The following TMC2 variants were observed in gnomAD, a reference collection of about 807,000 sequenced individuals.
TMC2 encodes transmembrane channel like 2.
TMC2 carries 102 observed loss-of-function variants against 105.9 expected under a neutral mutation model. The observed-to-expected ratio is 0.96, with a 90% CI of 0.82 to 1.14. TMC2 has a LOEUF of 1.14. Ranked by LOEUF, TMC2 falls within the 50% of genes most tolerant of loss-of-function variation. The probability of loss-of-function intolerance (pLI) is 0.00; values close to 1 mark genes in which losing one functional copy is unlikely to be tolerated. For missense variants in TMC2, 1,093 were observed against 1,134.3 expected (o/e 0.96, Z 0.52); for synonymous variants, 402 against 422.8 (o/e 0.95, Z 0.60).
chr20:2,594,419 G>A lies in TMC2; in HGVS notation c.934-406G>A, dbSNP rs969228113. On this transcript the variant is annotated intron_variant, in intron 8 of 19. Transcript: ENST00000358864. Reference sequence around the variant, plus strand: ...ATTTTTGTATTTTTAGTAGAGACAAGGTTTCACTACGTTAGCCAGGTTGGT... The same window carrying A: ...ATTTTTGTATTTTTAGTAGAGACAAAGTTTCACTACGTTAGCCAGGTTGGT... Among the ~76,000 whole-genome samples the A allele has an allele frequency of 3.9e-5, 6 of 152,106 alleles. No individual in the cohort carries two copies. In the South Asian group the frequency reaches 1.0e-3, roughly 26 times the overall value.
At chr20:2,538,478 C>T (rs2422775) in intron 2 of TMC2, among the ~76,000 whole-genome samples, 76,064 of 151,934 alleles carry the variant, frequency 0.5, 19,328 homozygotes, top group South Asian at 0.58. Context: ...ACGGTGCTCC[C>T]GTAGTGACCA....
intron 7 of TMC2, among the ~76,000 whole-genome samples, chr20:2,588,573 G>T (rs943020517): frequency 6.6e-6 from 1 of 152,282 alleles, no homozygotes; most frequent in South Asian, 2.1e-4. Context: ...ATCTTAAACT[G>T]TCTTTTGTCA....
At chr20:2,575,236 C>A (rs948977190) in intron 5 of TMC2, among the ~76,000 whole-genome samples, 6 of 152,120 alleles carry the variant, frequency 3.9e-5, no homozygotes, top group African/African-American at 1.4e-4. Flanking sequence ...CTTCAACAAA[C>A]ACCTTTTACA....
intron 17 of TMC2, among the ~76,000 whole-genome samples, chr20:2,635,556 T>C (rs1474164423): frequency 6.6e-6 from 1 of 152,114 alleles, no homozygotes; most frequent in Non-Finnish European, 1.5e-5. Context: ...TGGGGGTGGA[T>C]TGTGCACATG....
At chr20:2,561,312 C>T (rs2086024412) in intron 3 of TMC2, among the ~76,000 whole-genome samples, 2 of 152,136 alleles carry the variant, frequency 1.3e-5, no homozygotes, top group African/African-American at 4.8e-5. Flanking sequence ...CTACTTTTTT[C>T]ACCTATAAAC....
At chr20:2,545,007 G>A (rs1335002218) in intron 2 of TMC2, among the ~76,000 whole-genome samples, 1 of 149,500 alleles carries the variant, frequency 6.7e-6, no homozygotes, top group Non-Finnish European at 1.5e-5. Flanking sequence ...AGCAGCCTGG[G>A]CAATATAATG....
Position 2,636,694 on chromosome 20 carries a change from G to A in TMC2, c.2385+690G>A, listed in dbSNP as rs566171618. Among the ~76,000 whole-genome samples, 27 of 152,266 alleles carry A rather than the reference G, an allele frequency of 1.8e-4. No individual in the cohort carries two copies. In the East Asian group the frequency reaches 4.8e-3, roughly 27 times the overall value. ...GCTGGAGTGCAGTGGCACGATCCCA[G>A]CTCACTGCAACCTCCACCTCCCAGG... On this transcript the variant is annotated intron_variant, in intron 18 of 19. Coordinates refer to ENST00000358864, the MANE Select transcript of TMC2 (RefSeq NM_080751.3).
At chr20:2,540,923 C>T (rs1036265872) in intron 2 of TMC2, among the ~76,000 whole-genome samples, 3 of 152,066 alleles carry the variant, frequency 2.0e-5, no homozygotes, top group Non-Finnish European at 4.4e-5. Flanking sequence ...TCCCTGTGGG[C>T]GTGTACCCCT....
At chr20:2,563,332 G>A (rs965572345) in intron 4 of TMC2, among the ~76,000 whole-genome samples, 2 of 152,146 alleles carry the variant, frequency 1.3e-5, no homozygotes, top group Non-Finnish European at 2.9e-5. Context: ...CTATATGGCT[G>A]CAAGAAGAAA....
chr20:2,537,323 T>C lies in TMC2; in HGVS notation c.82+7T>C, dbSNP rs372336345. ...AGCGGCTCTCCACACACAGGTGAGA[T>C]GGGGTGGTGGGGTCTCTGGGGAGCC... On this transcript the variant is annotated splice_region_variant and intron_variant, in intron 2 of 19. Transcript: ENST00000358864. 1.5e-5 allele frequency: 24 copies of C among 1,594,920 alleles called. No individual in the cohort carries two copies. Among genetic ancestry groups the C allele is most frequent in the African/African-American group, 4.0e-5 (3 of 74,620 alleles).
chr20:2,641,619 C>T lies in TMC2; in HGVS notation c.*268C>T. 2.5e-6 allele frequency: 1 copy of T among 401,844 alleles called. No homozygotes were observed. Among genetic ancestry groups the T allele is most frequent in the Non-Finnish European group, 4.6e-6 (1 of 219,162 alleles). 24.9% of individuals were successfully genotyped at this position (401,844 alleles called of 1,614,324 possible). ...TTGGTTCAGACAGCTCTGAACCCCA[C>T]GCTCACAGTGGTCGACCTTGCCTCC... is the stretch of plus-strand genomic sequence containing the variant. On this transcript the variant is annotated 3_prime_UTR_variant, in exon 20 of 20. Transcript: ENST00000358864.
At chr20:2,544,991 T>C (rs1352342550) in intron 2 of TMC2, among the ~76,000 whole-genome samples, 2 of 148,444 alleles carry the variant, frequency 1.3e-5, no homozygotes, top group Non-Finnish European at 3.0e-5. Flanking sequence ...AGGCCAGGAG[T>C]TCAAGAGCAG....
At chr20:2,635,550 G>A (rs993617467) in intron 17 of TMC2, among the ~76,000 whole-genome samples, 1 of 152,124 alleles carries the variant, frequency 6.6e-6, no homozygotes, top group Non-Finnish European at 1.5e-5. Context: ...GTGGGGTGGG[G>A]GTGGATTGTG....
At chr20:2,611,413 C>G (rs1056813908) in intron 12 of TMC2, among the ~76,000 whole-genome samples, 10 of 152,298 alleles carry the variant, frequency 6.6e-5, no homozygotes, top group African/African-American at 1.9e-4. Context: ...TTCCCTCCTA[C>G]CCAGGAGACT....
intron 2 of TMC2, among the ~76,000 whole-genome samples, chr20:2,548,152 T>C (rs1192264756): frequency 1.3e-5 from 2 of 152,180 alleles, no homozygotes; most frequent in East Asian, 3.8e-4. Flanking sequence ...CTAGCAGAGC[T>C]CCTGAATGTA....
intron 10 of TMC2, among the ~76,000 whole-genome samples, chr20:2,601,047 C>A (rs1600123338): frequency 1.6e-5 from 2 of 128,800 alleles, no homozygotes; most frequent in Non-Finnish European, 3.3e-5. Flanking sequence ...CCAAAAAAAA[C>A]CCATAAAATT....
chr20:2,558,141 G>T lies in TMC2; in HGVS notation c.83-315G>T, dbSNP rs532211859. The T allele has an allele frequency of 1.9e-5, 7 of 375,190 alleles. No individual in the cohort carries two copies. Among genetic ancestry groups the T allele is most frequent in the Admixed American group, 4.4e-5 (1 of 22,550 alleles). The allele number at this position is 375,190 out of a possible 1,614,324, so 23.2% of individuals were successfully genotyped here. ...GGAAGTAGCAAGGCCTGTTTGTTCCGATTCCTCTTGGCCTCTCTGTGTGAC... is the reference window on the plus strand; with the variant it reads ...GGAAGTAGCAAGGCCTGTTTGTTCCTATTCCTCTTGGCCTCTCTGTGTGAC... On this transcript the variant is annotated intron_variant, in intron 2 of 19. Transcript: ENST00000358864. This position sits in a 1 kb window ranked among gnomAD's most constrained non-coding sequence, Gnocchi z 4.6.
intron 10 of TMC2, among the ~76,000 whole-genome samples, chr20:2,600,767 T>A (rs867693468): frequency 2.0e-5 from 3 of 151,240 alleles, no homozygotes; most frequent in African/African-American, 7.3e-5. Context: ...GAGCTTGCAG[T>A]GAGCCGAGAT....
At chr20:2,620,865 T>A (rs949573192) in intron 16 of TMC2, among the ~76,000 whole-genome samples, 1 of 152,216 alleles carries the variant, frequency 6.6e-6, no homozygotes, top group African/African-American at 2.4e-5. Flanking sequence ...GCTGATTGGA[T>A]TTCAAAATTG....
Sources: allele counts gnomAD v4.1 joint callset (sites outside exome capture counted in the v4.1 genomes callset), GRCh38; gene constraint gnomAD v4.1.1; non-coding constraint Gnocchi (gnomAD v3.1); transcripts MANE v1.5; gene names NCBI Gene and HGNC (gene_info 2026-07-23, HGNC 2026-07-21).